ARHGAP15: variants seen among roughly 807,000 people sequenced by gnomAD.
ARHGAP15 encodes the protein rho GTPase-activating protein 15.
Under a neutral mutation model 63.7 loss-of-function variants are expected in ARHGAP15, and 51 were observed. The ratio of observed to expected loss-of-function variants is 0.80; its 90% CI spans 0.64 to 1.01. The LOEUF (loss-of-function observed/expected upper bound fraction) is 1.01, where lower values mean the gene tolerates loss of function less well. Ranked by LOEUF, ARHGAP15 falls within the 50% of genes least tolerant of loss-of-function variation. The probability of loss-of-function intolerance (pLI) is 0.00; values close to 1 mark genes in which losing one functional copy is unlikely to be tolerated. For synonymous variants in ARHGAP15, 191 were observed against 193.8 expected, an observed-to-expected ratio of 0.99 and a Z score of 0.12; for missense variants, 560 against 564.6, an observed-to-expected ratio of 0.99 and a Z score of 0.08.
intron 9 of ARHGAP15, among the ~76,000 whole-genome samples, chr2:143,494,925 A>C (rs1173219297): frequency 1.3e-5 from 2 of 152,234 alleles, no homozygotes; most frequent in African/African-American, 4.8e-5. Context: ...ACAATTAAGA[A>C]AAATGAGGAG....
intron 9 of ARHGAP15, among the ~76,000 whole-genome samples, chr2:143,498,309 C>G (rs1692910090): frequency 6.6e-6 from 1 of 152,062 alleles, no homozygotes; most frequent in African/African-American, 2.4e-5. Context: ...AAAAATAACT[C>G]CATGTTGTAA....
chr2:143,762,414 A>T (rs59788281), intron 13 of ARHGAP15, among the ~76,000 whole-genome samples: 10,225 of 152,172 alleles, frequency 0.067, 528 homozygotes, highest in African/African-American at 0.15. Flanking sequence ...ACTTTACAAC[A>T]CAGTTAAGGA....
chr2:143,426,657 C>A (rs1475545742), intron 6 of ARHGAP15, among the ~76,000 whole-genome samples: 1 of 152,108 alleles, frequency 6.6e-6, no homozygotes, highest in Non-Finnish European at 1.5e-5. Context: ...AGTCAGAAGA[C>A]CAGCTAGAGT....
intron 6 of ARHGAP15, among the ~76,000 whole-genome samples, chr2:143,359,262 CTT>C (rs1209344670): frequency 6.6e-6 from 1 of 152,036 alleles, no homozygotes; most frequent in African/African-American, 2.4e-5. Flanking sequence ...AGTTCATTGA[CTT>C]TGAGGGAATT....
intron 11 of ARHGAP15, among the ~76,000 whole-genome samples, chr2:143,570,261 G>A (rs1696398806): frequency 1.3e-5 from 2 of 152,262 alleles, no homozygotes; most frequent in South Asian, 4.1e-4. Flanking sequence ...TTATTTAAAT[G>A]TCACTCAAAT....
chr2:143,434,088 T>C (rs1350631125), intron 6 of ARHGAP15, among the ~76,000 whole-genome samples: 1 of 152,106 alleles, frequency 6.6e-6, no homozygotes, highest in Non-Finnish European at 1.5e-5. Context: ...ATACATAAAA[T>C]AGGAGGCTGT....
chr2:143,286,747 C>T lies in ARHGAP15; in HGVS notation c.474+36147C>T, dbSNP rs548714070. Among the ~76,000 whole-genome samples the T allele has an allele frequency of 9.9e-5, 15 of 152,142 alleles. 1 individual carries two copies. The South Asian group carries it at 1.9e-3, about 19-fold the overall frequency. ...TATTTTTTTAAAATACAGTCATGTG[C>T]CAATAGGATTACATTCTAAGGAATG... On this transcript the variant is annotated intron_variant, in intron 6 of 13. Coordinates refer to ENST00000295095, the MANE Select transcript of ARHGAP15 (RefSeq NM_018460.4).
chr2:143,271,673 C>T (rs529539934), intron 6 of ARHGAP15, among the ~76,000 whole-genome samples: 320 of 152,286 alleles, frequency 2.1e-3, no homozygotes, highest in Non-Finnish European at 2.4e-3. Context: ...AGACGGGGTT[C>T]CACCATGTTA....
At chr2:143,723,892 G>C (rs1235095844) in intron 13 of ARHGAP15, among the ~76,000 whole-genome samples, 1 of 152,190 alleles carries the variant, frequency 6.6e-6, no homozygotes, top group Non-Finnish European at 1.5e-5. Flanking sequence ...GGACAGTGCT[G>C]TGTGCATCTG....
chr2:143,255,165 C>T (rs1315011882), intron 6 of ARHGAP15, among the ~76,000 whole-genome samples: 3 of 151,958 alleles, frequency 2.0e-5, no homozygotes, highest in Non-Finnish European at 4.4e-5. Flanking sequence ...GATATTTCTG[C>T]CAATTAATAA....
At chr2:143,203,589 A>G (rs1013412159) in intron 3 of ARHGAP15, among the ~76,000 whole-genome samples, 1 of 152,084 alleles carries the variant, frequency 6.6e-6, no homozygotes, top group Non-Finnish European at 1.5e-5. Flanking sequence ...CAGTATATCC[A>G]TGTAACAAAT....
At chr2:143,235,882 A>G in intron 5 of ARHGAP15, 1 of 1,491,964 alleles carries the variant, frequency 6.7e-7, no homozygotes, top group Non-Finnish European at 8.9e-7. Flanking sequence ...GAAGTATTTC[A>G]ATTGACTCTA....
At chr2:143,271,017 T>G (rs890747266) in intron 6 of ARHGAP15, among the ~76,000 whole-genome samples, 2 of 152,200 alleles carry the variant, frequency 1.3e-5, no homozygotes, top group Admixed American at 6.5e-5. Context: ...GTCCAATAGC[T>G]CCTCTCCATT....
chr2:143,154,197 T>C (rs1464193802), intron 1 of ARHGAP15, among the ~76,000 whole-genome samples: 1 of 151,836 alleles, frequency 6.6e-6, no homozygotes, highest in Non-Finnish European at 1.5e-5. Context: ...TTATAGGAGT[T>C]TTTTGAGAAT....
At chr2:143,702,542 C>A (rs1684137523) in intron 12 of ARHGAP15, among the ~76,000 whole-genome samples, 1 of 152,086 alleles carries the variant, frequency 6.6e-6, no homozygotes, top group Non-Finnish European at 1.5e-5. Flanking sequence ...TATTTGTAAT[C>A]AAATCACACT....
At chr2:143,167,429 T>C (rs1423363025) in intron 2 of ARHGAP15, among the ~76,000 whole-genome samples, 1 of 152,110 alleles carries the variant, frequency 6.6e-6, no homozygotes, top group Non-Finnish European at 1.5e-5. Context: ...TTCTTACATA[T>C]GGATAATGGG....
At chr2:143,614,181 A>G (rs549280369) in intron 11 of ARHGAP15, among the ~76,000 whole-genome samples, 2 of 152,224 alleles carry the variant, frequency 1.3e-5, no homozygotes, top group South Asian at 4.1e-4. Context: ...ATTATGTGAC[A>G]CCTCATCTGG....
chr2:143,546,156 T>A (rs1695318733), intron 10 of ARHGAP15, among the ~76,000 whole-genome samples: 1 of 152,186 alleles, frequency 6.6e-6, no homozygotes, highest in East Asian at 1.9e-4. Flanking sequence ...GGAATCCATT[T>A]TCCCACATTC....
At chr2:143,158,859 T>A (rs955634192) in intron 2 of ARHGAP15, among the ~76,000 whole-genome samples, 1 of 151,966 alleles carries the variant, frequency 6.6e-6, no homozygotes, top group Non-Finnish European at 1.5e-5. Context: ...AAAAGACCAA[T>A]GTGCATTGCA....
Sources: allele counts gnomAD v4.1 joint callset (sites outside exome capture counted in the v4.1 genomes callset), GRCh38; gene constraint gnomAD v4.1.1; transcripts MANE v1.5; gene names NCBI Gene and HGNC (gene_info 2026-07-23, HGNC 2026-07-21).